Variants in CCDC191 observed in about 807,000 individuals in gnomAD.
CCDC191 encodes the protein coiled-coil domain-containing protein 191.
Under a neutral mutation model 114.0 loss-of-function variants are expected in CCDC191, and 99 were observed. The ratio of observed to expected loss-of-function variants is 0.87; its 90% CI spans 0.74 to 1.03. The LOEUF (loss-of-function observed/expected upper bound fraction) is 1.03, where lower values mean the gene tolerates loss of function less well. Ranked by LOEUF, CCDC191 falls within the 50% of genes least tolerant of loss-of-function variation. The pLI is 0.00. For missense variants in CCDC191, 973 were observed against 1,087.0 expected (o/e 0.90, Z 1.47); for synonymous variants, 351 against 376.0 (o/e 0.93, Z 0.77).
intron 16 of CCDC191, among the ~76,000 whole-genome samples, chr3:113,968,010 A>G (rs546536227): frequency 8.1e-4 from 124 of 152,280 alleles, no homozygotes; most frequent in African/African-American, 2.7e-3. Flanking sequence ...TGTATATACC[A>G]TATTTTCTTT....
In CCDC191 at chr3:114,006,619, A is replaced by ATATATATATATATATATATAT. The variant is rs1559903359; in HGVS notation, c.1414-658_1414-657insATATATATATATATATATATA. 2.7e-4 allele frequency among the ~76,000 whole-genome samples: 25 copies of ATATATATATATATATATATAT among 92,512 alleles called. 1 individual carries two copies. The highest frequency in any genetic ancestry group is 9.2e-4 in the African/African-American group (22 of 23,908). 60.7% of individuals were successfully genotyped at this position (92,512 alleles called of 152,430 possible). A position where few individuals can be genotyped will look rare whatever the true frequency, so the allele number is the denominator to read the frequency against. ...ATATATATATATATATATATATATA[A>ATATATATATATATATATATAT]ATATATATATTTTATATATAAAAAA... On this transcript the variant is annotated intron_variant, in intron 9 of 16. Coordinates refer to ENST00000295878, the MANE Select transcript of CCDC191 (RefSeq NM_020817.2).
chr3:114,003,069 G>A lies in CCDC191; in HGVS notation c.1979-531C>T, dbSNP rs537680976. 4.1e-6 allele frequency: 4 copies of A among 985,394 alleles called. No homozygotes were observed. In the East Asian group the frequency reaches 3.4e-4, roughly 84 times the overall value. 61.0% of individuals were successfully genotyped at this position (985,394 alleles called of 1,614,324 possible). ...TATTTGAATCTAGTTTTAAGGCCTG[G>A]ATATACAGATGGGCAGGAAATGGAA... On this transcript the variant is annotated intron_variant, in intron 11 of 16. Transcript: ENST00000295878.
intron 8 of CCDC191, among the ~76,000 whole-genome samples, chr3:114,014,414 G>A (rs1055259695): frequency 2.0e-5 from 3 of 152,140 alleles, no homozygotes; most frequent in Non-Finnish European, 4.4e-5. Context: ...CGTGAGCAGA[G>A]GGAAGGACAA....
chr3:114,024,357 C>A (rs1397055530), intron 7 of CCDC191, among the ~76,000 whole-genome samples: 5 of 152,150 alleles, frequency 3.3e-5, no homozygotes, highest in African/African-American at 1.2e-4. Flanking sequence ...TGGGTATATA[C>A]CCAAAGGATT....
intron 16 of CCDC191, among the ~76,000 whole-genome samples, chr3:113,975,691 G>A (rs1941274881): frequency 6.6e-6 from 1 of 152,150 alleles, no homozygotes; most frequent in South Asian, 2.1e-4. Flanking sequence ...TGGTTAGGGA[G>A]GTGACATTTA....
intron 9 of CCDC191, among the ~76,000 whole-genome samples, chr3:114,006,617 T>TATAA (rs1482068610): frequency 0.013 from 1,542 of 118,386 alleles, 35 homozygotes; most frequent in African/African-American, 0.02. Context: ...TATATATATA[T>TATAA]AAATATATAT....
At chr3:114,001,501 A>G (rs1559897147) in intron 13 of CCDC191, 94 bp downstream of exon 13, 4 of 1,505,408 alleles carry the variant, frequency 2.7e-6, no homozygotes, top group Non-Finnish European at 3.6e-6. Context: ...AGTATTCCAG[A>G]TAGAAGTTCT....
chr3:113,975,306 G>A (rs1941230644), intron 16 of CCDC191, among the ~76,000 whole-genome samples: 1 of 152,120 alleles, frequency 6.6e-6, no homozygotes, highest in South Asian at 2.1e-4. Context: ...CAGCTTAAAG[G>A]TCAGGCTTAA....
chr3:113,967,418 T>G (rs2107549483), intron 16 of CCDC191, among the ~76,000 whole-genome samples: 1 of 140,774 alleles, frequency 7.1e-6, no homozygotes, highest in African/African-American at 2.5e-5. Flanking sequence ...TCCCTACATT[T>G]CTCTTTCTTT....
intron 13 of CCDC191, among the ~76,000 whole-genome samples, chr3:113,989,841 A>G (rs969928651): frequency 3.3e-5 from 5 of 151,952 alleles, no homozygotes; most frequent in Admixed American, 6.6e-5. Flanking sequence ...TAAAAAATCA[A>G]TTGGACATGG....
chr3:114,025,740 C>A (rs2107713355), intron 7 of CCDC191, among the ~76,000 whole-genome samples: 1 of 152,252 alleles, frequency 6.6e-6, no homozygotes, highest in South Asian at 2.1e-4. Flanking sequence ...ATCACCTTCT[C>A]TTTGCCTTCT....
intron 3 of CCDC191, among the ~76,000 whole-genome samples, chr3:114,043,379 A>C (rs1248381140): frequency 6.6e-6 from 1 of 152,194 alleles, no homozygotes; most frequent in Non-Finnish European, 1.5e-5. Context: ...AATGATTATC[A>C]ACCAGGTGCA....
At chr3:113,995,715 G>A (rs2075701689) in intron 13 of CCDC191, among the ~76,000 whole-genome samples, 2 of 152,170 alleles carry the variant, frequency 1.3e-5, no homozygotes, top group Admixed American at 1.3e-4. Flanking sequence ...CTTCCACAAT[G>A]GTTGAACTAG....
At chr3:114,055,194 T>C (rs1472281529) in intron 1 of CCDC191, among the ~76,000 whole-genome samples, 1 of 152,240 alleles carries the variant, frequency 6.6e-6, no homozygotes, top group Non-Finnish European at 1.5e-5. Context: ...GCTGATCTAA[T>C]TAAAATACAA....
chr3:113,965,491 T>G (rs1940031144), intron 16 of CCDC191, 132 bp from the exon 17 acceptor site: 1 of 511,142 alleles, frequency 2.0e-6, no homozygotes. Flanking sequence ...GAAATCACAA[T>G]CGGGATTATG....
chr3:114,048,309 C>T (rs2076657214), intron 2 of CCDC191, among the ~76,000 whole-genome samples: 1 of 152,220 alleles, frequency 6.6e-6, no homozygotes, highest in Non-Finnish European at 1.5e-5. Context: ...TGAATGACTC[C>T]TTTAAAATGA....
intron 4 of CCDC191, among the ~76,000 whole-genome samples, chr3:114,041,800 A>G (rs1012821408): frequency 5.3e-5 from 8 of 152,172 alleles, no homozygotes; most frequent in Non-Finnish European, 1.0e-4. Context: ...ATGCTCAGGG[A>G]AAAAATACTC....
At chr3:113,968,048 G>A (rs778114887) in intron 16 of CCDC191, among the ~76,000 whole-genome samples, 9 of 152,154 alleles carry the variant, frequency 5.9e-5, no homozygotes, top group Non-Finnish European at 8.8e-5. Context: ...TGGGTGCTCA[G>A]GTTGATTCCA....
At position 114,046,687 on chromosome 3, in the gene CCDC191, T is replaced by A; in HGVS notation, c.175A>T (p.Thr59Ser). 6.2e-7 allele frequency: 1 copy of A among 1,612,288 alleles called. No individual in the cohort carries two copies. Residue 59 changes from threonine (T) to serine (S), a missense_variant, in exon 3 of 17, where the codon ACT becomes TCT. Coordinates refer to ENST00000295878, the MANE Select transcript of CCDC191 (RefSeq NM_020817.2). ...CTTCTAGGTAAATCTGAATTTCTAG[T>A]AAAAAATGCATTTGACACTGCAAAC... Reference protein sequence around the residue: ...SEFAVSNAFFTRNSDLPRSPW... With the variant: ...SEFAVSNAFFSRNSDLPRSPW...
Sources: allele counts gnomAD v4.1 joint callset (sites outside exome capture counted in the v4.1 genomes callset), GRCh38; gene constraint gnomAD v4.1.1; transcripts MANE v1.5; gene names NCBI Gene and HGNC (gene_info 2026-07-23, HGNC 2026-07-21).